Variants in AP4M1 observed in about 807,000 individuals in gnomAD.
AP4M1 encodes adaptor related protein complex 4 subunit mu 1.
A neutral mutation model predicts 62.4 loss-of-function variants in AP4M1; 58 were observed. The ratio of observed to expected loss-of-function variants is 0.93; its 90% confidence interval spans 0.75 to 1.16. The LOEUF (loss-of-function observed/expected upper bound fraction) is 1.16, where lower values mean the gene tolerates loss of function less well. AP4M1 is among the 50% of genes most tolerant of loss of function. AP4M1 has a pLI of 0.00. For missense variants in AP4M1, 626 were observed against 585.4 expected, an observed-to-expected ratio of 1.07 and a Z score of -0.72; for synonymous variants, 290 against 239.7, an observed-to-expected ratio of 1.21 and a Z score of -1.94.
Position 100,107,752 on chromosome 7 carries a change from G to C in AP4M1, c.*870G>C. ...GTAGTTCACCCTGTAGACAGCTATG[G>C]CTGGAGACCTTGTTCATGCAGGGCA... On this transcript the variant is annotated 3_prime_UTR_variant, in exon 15 of 15. Transcript: ENST00000359593. 6 of 1,434,522 alleles carry C rather than the reference G, an allele frequency of 4.2e-6. No individual in the cohort carries two copies. Among genetic ancestry groups the C allele is most frequent in the Non-Finnish European group, 5.6e-6 (6 of 1,075,928 alleles). 88.9% of individuals were successfully genotyped at this position (1,434,522 alleles called of 1,614,324 possible).
chr7:100,108,053 G>C lies in AP4M1; in HGVS notation c.*1171G>C. ...CTGGACAGGAAGTGCGATGGAGCCA[G>C]GAACCTTCAGCAAGCCAGGGGTGCG... is the stretch of plus-strand genomic sequence containing the variant. On this transcript the variant is annotated 3_prime_UTR_variant, in exon 15 of 15. Coordinates refer to ENST00000359593, the MANE Select transcript of AP4M1 (RefSeq NM_004722.4). 1 of 1,613,294 alleles carries C rather than the reference G, an allele frequency of 6.2e-7. No homozygotes were observed. Among genetic ancestry groups the C allele is most frequent in the Non-Finnish European group, 8.5e-7 (1 of 1,179,846 alleles).
Position 100,105,292 on chromosome 7 carries a change from T to C in AP4M1, c.780T>C (p.Asn260=). The C allele has an allele frequency of 1.2e-6, 2 of 1,614,142 alleles. No individual in the cohort carries two copies. Among genetic ancestry groups the C allele is most frequent in the Non-Finnish European group, 1.7e-6 (2 of 1,180,022 alleles). The change falls in exon 10 of 15, where the codon AAT becomes AAC. Residue 260 remains asparagine (N), a synonymous_variant. Transcript: ENST00000359593. Reference sequence around the variant, plus strand: ...AAGTCTCGTTTCACAGCTCTGTGAATCTGGACGAATTTGAGTCTCATCGAA... The same window carrying C: ...AAGTCTCGTTTCACAGCTCTGTGAACCTGGACGAATTTGAGTCTCATCGAA... ...VDEVSFHSSV[N]LDEFESHRIL...
rs199982051 is a variant in AP4M1 at position 100,105,499 on chromosome 7, C to A, written c.889C>A (p.Arg297=). 6.2e-7 allele frequency: 1 copy of A among 1,613,978 alleles called. No homozygotes were observed. Among genetic ancestry groups the A allele is most frequent in the Non-Finnish European group, 8.5e-7 (1 of 1,180,036 alleles). The change falls in exon 11 of 15, where the codon CGG becomes AGG. Residue 297 remains arginine (R), a synonymous_variant. Transcript: ENST00000359593. ...SDDLPSPLPF[R]LFPSVQWDRG... ...TGACCTCCCCTCACCGCTCCCCTTC[C>A]GGCTCTTCCCCTCTGTGCAGTGGGA...
rs748639289 is a variant in AP4M1 at position 100,105,218 on chromosome 7, GTC to G, written c.728-8_728-7del. Reference sequence around the variant, plus strand: ...TCCCAAAACAGGAGTCAGGAGAGAAGTCTCTCTCTCTCTCTTTCCAGGTTATG... The same window carrying G: ...TCCCAAAACAGGAGTCAGGAGAGAAGTCTCTCTCTCTCTTTCCAGGTTATG... On this transcript the variant is annotated intron_variant, in intron 9 of 14. Transcript: ENST00000359593. 2.6e-4 allele frequency: 411 copies of G among 1,576,434 alleles called. No homozygotes were observed. Among genetic ancestry groups the G allele is most frequent in the Non-Finnish European group, 3.2e-4 (364 of 1,147,730 alleles).
chr7:100,107,815 A>G lies in AP4M1; in HGVS notation c.*933A>G. ...CAGGACCCTGGTGGGCGCCTCTTCC[A>G]GCTCTTGACTTGGGGCCCAGAGGGG... is the stretch of plus-strand genomic sequence containing the variant. On this transcript the variant is annotated 3_prime_UTR_variant, in exon 15 of 15. Coordinates refer to ENST00000359593, the MANE Select transcript of AP4M1 (RefSeq NM_004722.4). 2 of 1,430,706 alleles carry G rather than the reference A, an allele frequency of 1.4e-6. No individual in the cohort carries two copies. The highest frequency in any genetic ancestry group is 1.9e-6 in the Non-Finnish European group (2 of 1,069,348). 88.6% of individuals were successfully genotyped at this position (1,430,706 alleles called of 1,614,324 possible).
In AP4M1 at chr7:100,108,530, G is replaced by C; in HGVS notation, c.*1648G>C. 1 of 1,608,332 alleles carries C rather than the reference G, an allele frequency of 6.2e-7. No individual in the cohort carries two copies. The highest frequency in any genetic ancestry group is 1.1e-5 in the South Asian group (1 of 90,902). ...TGGGCGCAGCTTTGCCAGAACAGGA[G>C]CACAGTGTTTCTGCAGAACAGAAAA... On this transcript the variant is annotated 3_prime_UTR_variant, in exon 15 of 15. Transcript: ENST00000359593.
chr7:100,105,094 G>A lies in AP4M1; in HGVS notation c.723G>A (p.Leu241=). 6.2e-7 allele frequency: 1 copy of A among 1,614,172 alleles called. No individual in the cohort carries two copies. Among genetic ancestry groups the A allele is most frequent in the South Asian group, 1.1e-5 (1 of 91,088 alleles). ...AGTTTTGTGTGGGGAAGTCAGAGCT[G>A]AGAGGTGAGGAGAAAGTGGGTCTTT... ...TEEFCVGKSE[L]RGYGPGIRVD... is the part of the protein sequence containing the mutation. The change falls in exon 9 of 15, where the codon CTG becomes CTA. Residue 241 remains leucine (L), a synonymous_variant. Coordinates refer to ENST00000359593, the MANE Select transcript of AP4M1 (RefSeq NM_004722.4).
chr7:100,103,987 A>C (rs1584511741), intron 6 of AP4M1, 105 bp from the exon 7 acceptor site: 1 of 1,012,656 alleles, frequency 9.9e-7, no homozygotes, highest in Non-Finnish European at 1.5e-6. Context: ...CCATGTCCTC[A>C]CCCTAGAGCT....
chr7:100,105,126 T>C (rs1281629326), intron 9 of AP4M1, 28 bp downstream of exon 9: 4 of 1,613,790 alleles, frequency 2.5e-6, no homozygotes, highest in Non-Finnish European at 3.4e-6. Context: ...CTTTCTCCCC[T>C]TGGAGTAGGT....
At position 100,107,518 on chromosome 7, in the gene AP4M1, CGGT is replaced by C; in HGVS notation, c.*639_*641del. 2 of 1,613,910 alleles carry C rather than the reference CGGT, an allele frequency of 1.2e-6. No homozygotes were observed. Among genetic ancestry groups the C allele is most frequent in the Non-Finnish European group, 1.7e-6 (2 of 1,179,948 alleles). ...GCAGTGCTGGGGGGTGCGGTGGTGG[CGGT>C]GGAGACCAACTTGACGATGGGCTGC... On this transcript the variant is annotated 3_prime_UTR_variant, in exon 15 of 15. Transcript: ENST00000359593.
rs764317385 is a variant in AP4M1, at chr7:100,107,412, G to A, written c.*530G>A. 1.2e-6 allele frequency: 2 copies of A among 1,608,018 alleles called. No individual in the cohort carries two copies. Among genetic ancestry groups the A allele is most frequent in the Admixed American group, 1.7e-5 (1 of 59,328 alleles). On this transcript the variant is annotated 3_prime_UTR_variant, in exon 15 of 15. Transcript: ENST00000359593. ...CGGGGGAGGAACTGGAGAAGGATGG[G>A]AGGTGGGGCCTCCTTTGCCCTCCCC...
rs781069002 is a variant in AP4M1, at chr7:100,102,860, T to A, written c.255-4T>A. 1 of 1,614,104 alleles carries A rather than the reference T, an allele frequency of 6.2e-7. No homozygotes were observed. The highest frequency in any genetic ancestry group is 8.5e-7 in the Non-Finnish European group (1 of 1,180,010). ...GAAAATACACGCTCCAAGTGTTTCCTCAGGTTGGCCACCCTTCTGGGCGAT... is the reference window on the plus strand; with the variant it reads ...GAAAATACACGCTCCAAGTGTTTCCACAGGTTGGCCACCCTTCTGGGCGAT... On this transcript the variant is annotated splice_region_variant and splice_polypyrimidine_tract_variant and intron_variant, in intron 3 of 14. Coordinates refer to ENST00000359593, the MANE Select transcript of AP4M1 (RefSeq NM_004722.4).
Position 100,104,103 on chromosome 7 carries a change from T to A in AP4M1, c.555T>A (p.Asn185Lys). Residue 185 changes from asparagine (N) to lysine (K), a missense_variant, in exon 7 of 15, where the codon AAT (asparagine) becomes AAA (lysine). Transcript: ENST00000359593. The part of the protein sequence containing the change: ...LSSRSDQSQK[N>K]EVFLDVVERL... ...TCTCTCTTTCTCAGAGCCAAAAGAATGAAGTTTTTTTGGATGTGGTCGAGA... is the reference window on the plus strand; with the variant it reads ...TCTCTCTTTCTCAGAGCCAAAAGAAAGAAGTTTTTTTGGATGTGGTCGAGA... 1 of 1,614,070 alleles carries A rather than the reference T, an allele frequency of 6.2e-7. No individual in the cohort carries two copies. Among genetic ancestry groups the A allele is most frequent in the South Asian group, 1.1e-5 (1 of 91,078 alleles).
rs372511561 is a variant in AP4M1 at position 100,104,086 on chromosome 7, T to G, written c.544-6T>G. The stretch of plus-strand genomic sequence containing the variant: ...TCCAACCACCCAAATTCTCTCTCTT[T>G]CTCAGAGCCAAAAGAATGAAGTTTT... On this transcript the variant is annotated splice_polypyrimidine_tract_variant and splice_region_variant and intron_variant, in intron 6 of 14. Transcript: ENST00000359593. 5.9e-4 allele frequency: 945 copies of G among 1,613,798 alleles called. 1 individual carries two copies. The highest frequency in any genetic ancestry group is 7.7e-4 in the Non-Finnish European group (906 of 1,179,804).
At chr7:100,103,046 G>T in intron 4 of AP4M1, 86 bp downstream of exon 4, 1 of 1,050,660 alleles carries the variant, frequency 9.5e-7, no homozygotes, top group Non-Finnish European at 1.5e-6. Context: ...GCCGTGGTTA[G>T]GAGGCCAAGT....
Position 100,107,844 on chromosome 7 carries a change from G to A in AP4M1, c.*962G>A. ...CTTGACTTGGGGCCCAGAGGGGACTGTGCTCTACTCCTGGGCCTCCCCAGG... is the reference window on the plus strand; with the variant it reads ...CTTGACTTGGGGCCCAGAGGGGACTATGCTCTACTCCTGGGCCTCCCCAGG... On this transcript the variant is annotated 3_prime_UTR_variant, in exon 15 of 15. Transcript: ENST00000359593. The A allele has an allele frequency of 6.7e-7, 1 of 1,501,266 alleles. No individual in the cohort carries two copies. The highest frequency in any genetic ancestry group is 9.0e-7 in the Non-Finnish European group (1 of 1,113,806). 93.0% of individuals were successfully genotyped at this position (1,501,266 alleles called of 1,614,324 possible).
upstream of AP4M1, chr7:100,101,436 C>A (rs991682999): frequency 8.7e-7 from 1 of 1,150,424 alleles, no homozygotes; most frequent in Non-Finnish European, 1.3e-6. Context: ...GGCGCCACTG[C>A]GTGCGGGCCA....
chr7:100,102,235 A>T, intron 2 of AP4M1: 1 of 607,880 alleles, frequency 1.6e-6, no homozygotes, highest in South Asian at 1.7e-5. Context: ...ACAAAAAAAA[A>T]AAAAACATAG....
chr7:100,106,469 C>T lies in AP4M1; in HGVS notation c.1092C>T (p.Asp364=), dbSNP rs1796494587. The change falls in exon 14 of 15, where the codon GAC becomes GAT. Residue 364 remains aspartate (D), a synonymous_variant. Coordinates refer to ENST00000359593, the MANE Select transcript of AP4M1 (RefSeq NM_004722.4). ...TGGCAGAGGGAGCCCTTCGCTGGGA[C>T]CTGCCTCGGGTGCAAGGAGGCTCTC... The part of the protein sequence containing the change: ...AELAEGALRW[D]LPRVQGGSQL... 1 of 1,613,754 alleles carries T rather than the reference C, an allele frequency of 6.2e-7. No individual in the cohort carries two copies. Among genetic ancestry groups the T allele is most frequent in the Admixed American group, 1.7e-5 (1 of 60,002 alleles).
Sources: gnomAD v4.1 joint callset for allele counts on GRCh38, gnomAD v4.1.1 for gene constraint, MANE v1.5 for transcripts, NCBI Gene and HGNC (gene_info 2026-07-23, HGNC 2026-07-21) for gene names.